Variants in KIF13B observed in about 807,000 individuals in gnomAD.
KIF13B encodes kinesin family member 13B.
A neutral mutation model predicts 222.0 loss-of-function variants in KIF13B; 127 were observed. That is an observed-to-expected ratio of 0.57 (90% CI 0.50 to 0.66). The LOEUF (loss-of-function observed/expected upper bound fraction) is 0.66. Among genes scored for constraint, KIF13B ranks in the 30% least tolerant of loss-of-function variants. The pLI, the probability that KIF13B is intolerant of heterozygous loss-of-function variation, is 0.00. For missense variants in KIF13B, 2,173 were observed against 2,379.0 expected, an observed-to-expected ratio of 0.91 and a Z score of 1.80; for synonymous variants, 976 against 919.0, an observed-to-expected ratio of 1.06 and a Z score of -1.12.
In KIF13B at chr8:29,223,943, A is replaced by G. The variant is rs1330331748; in HGVS notation, c.149+21403T>C. Among the ~76,000 whole-genome samples, 4 of 151,228 alleles carry G rather than the reference A, an allele frequency of 2.6e-5. No homozygotes were observed. In the East Asian group the frequency reaches 5.9e-4, roughly 22 times the overall value. On this transcript the variant is annotated intron_variant, in intron 2 of 39. Transcript: ENST00000524189. ...CCTGACCTTGTGATCCGCCCGCCTCAGCCTCCCAAAGTGTTGGGATTACAG... is the reference window on the plus strand; with the variant it reads ...CCTGACCTTGTGATCCGCCCGCCTCGGCCTCCCAAAGTGTTGGGATTACAG...
At chr8:29,086,772 C>T (rs373617980) in intron 37 of KIF13B, among the ~76,000 whole-genome samples, 9 of 152,256 alleles carry the variant, frequency 5.9e-5, no homozygotes, top group African/African-American at 2.2e-4. Context: ...GATCCAGATT[C>T]CTTTTAGGCA....
intron 3 of KIF13B, 42 bp downstream of exon 3, chr8:29,196,145 T>C: frequency 6.6e-7 from 1 of 1,522,332 alleles, no homozygotes; most frequent in African/African-American, 1.4e-5. Context: ...AACATGCATA[T>C]AAGATCTTTA....
At chr8:29,115,765 A>ATCCTGCCCCG (rs1275701103) in intron 31 of KIF13B, among the ~76,000 whole-genome samples, 3 of 152,012 alleles carry the variant, frequency 2.0e-5, no homozygotes, top group Non-Finnish European at 4.4e-5. Flanking sequence ...GCGGTCCCCG[A>ATCCTGCCCCG]TCCTGCCCCG....
intron 31 of KIF13B, among the ~76,000 whole-genome samples, chr8:29,114,746 C>T (rs1024774866): frequency 6.6e-6 from 1 of 152,154 alleles, no homozygotes; most frequent in African/African-American, 2.4e-5. Context: ...AATATGGCAA[C>T]CTATTGTCCC....
intron 30 of KIF13B, among the ~76,000 whole-genome samples, chr8:29,118,217 A>G (rs6420168): frequency 0.85 from 129,015 of 151,550 alleles, 55,531 homozygotes; most frequent in Non-Finnish European, 0.91. Context: ...CCAGCCAGGC[A>G]CAGTGGCTCA....
chr8:29,136,391 C>T (rs563371895), intron 21 of KIF13B, among the ~76,000 whole-genome samples: 36 of 151,944 alleles, frequency 2.4e-4, no homozygotes, highest in Non-Finnish European at 5.0e-4. Context: ...CCAGCCTGAC[C>T]AACATGGAGA....
intron 37 of KIF13B, among the ~76,000 whole-genome samples, chr8:29,087,143 T>G (rs779806433): frequency 6.6e-6 from 1 of 152,182 alleles, no homozygotes; most frequent in African/African-American, 2.4e-5. Flanking sequence ...ATTTCCATAA[T>G]GTATATAACA....
intron 35 of KIF13B, among the ~76,000 whole-genome samples, chr8:29,105,105 T>C (rs868578113): frequency 1.3e-5 from 2 of 152,112 alleles, no homozygotes; most frequent in Non-Finnish European, 2.9e-5. Flanking sequence ...TAGCTGGGAT[T>C]ACAAGCATAA....
chr8:29,155,774 T>C lies in KIF13B; in HGVS notation c.1487A>G (p.Asp496Gly). 1 of 1,602,652 alleles carries C rather than the reference T, an allele frequency of 6.2e-7. No homozygotes were observed. ...CATAACCTGGCCTTCTGACGTGATGTCTATAATACAGTGTTCAGGAAGAAT... is the reference window on the plus strand; with the variant it reads ...CATAACCTGGCCTTCTGACGTGATGCCTATAATACAGTGTTCAGGAAGAAT... ...MGILPEHCIIDITSEGQVMLT... is the reference protein window; with the variant it reads ...MGILPEHCIIGITSEGQVMLT... The change falls in exon 14 of 40, where the codon GAC becomes GGC. Residue 496 changes from aspartate to glycine, a missense_variant. By Grantham distance (94) the Asp-to-Gly change is moderately conservative. This residue lies in a region of KIF13B where 1,480 missense variants were observed against 1,722.8 expected (regional missense o/e 0.86). Coordinates refer to ENST00000524189, the MANE Select transcript of KIF13B (RefSeq NM_015254.4).
chr8:29,188,146 G>A (rs191761309), intron 5 of KIF13B, among the ~76,000 whole-genome samples: 2 of 151,958 alleles, frequency 1.3e-5, no homozygotes, highest in Admixed American at 1.3e-4. Context: ...AAGCTTCTTA[G>A]TTATTACTGG....
At chr8:29,079,773 T>C (rs1380923881) in intron 37 of KIF13B, among the ~76,000 whole-genome samples, 1 of 152,252 alleles carries the variant, frequency 6.6e-6, no homozygotes, top group Non-Finnish European at 1.5e-5. Context: ...TTCTTAAATG[T>C]CATTTTTTAA....
At chr8:29,109,077 C>T (rs1809231899) in intron 34 of KIF13B, among the ~76,000 whole-genome samples, 1 of 152,220 alleles carries the variant, frequency 6.6e-6, no homozygotes, top group African/African-American at 2.4e-5. Flanking sequence ...CCAGACTCCT[C>T]CTCAACTTAA....
intron 20 of KIF13B, 28 bp downstream of exon 20, chr8:29,140,440 G>A: frequency 6.2e-7 from 1 of 1,604,818 alleles, no homozygotes; most frequent in Non-Finnish European, 8.5e-7. Flanking sequence ...ATTCTCTACA[G>A]GAAACAAGGC....
chr8:29,165,825 G>A, intron 11 of KIF13B, 53 bp from the exon 12 acceptor site: 1 of 1,287,232 alleles, frequency 7.8e-7, no homozygotes, highest in Non-Finnish European at 1.1e-6. Context: ...CCTGGAAAAA[G>A]AAGTGGCCAA....
intron 10 of KIF13B, among the ~76,000 whole-genome samples, chr8:29,175,545 G>A (rs1812439910): frequency 6.6e-6 from 1 of 152,222 alleles, no homozygotes; most frequent in Non-Finnish European, 1.5e-5. Context: ...ATGAATGAAT[G>A]ACTGTGTGCT....
rs917253629 is a variant in KIF13B at position 29,071,829 on chromosome 8, G to A, written c.5009C>T (p.Ser1670Phe). 3.9e-6 allele frequency: 6 copies of A among 1,541,496 alleles called. No homozygotes were observed. The highest frequency in any genetic ancestry group is 2.0e-5 in the Admixed American group (1 of 50,864). Reference protein sequence around the residue: ...SRMLAGDPGCSPGAEGNAPAP... With the variant: ...SRMLAGDPGCFPGAEGNAPAP... ...CGGCGCATTCCCCTCGGCCCCCGGG[G>A]AGCAGCCGGGGTCCCCAGCCAGCAT... The change falls in exon 39 of 40, where the codon TCC becomes TTC. Residue 1670 changes from serine (S) to phenylalanine (F), a missense_variant. This residue lies in a region of KIF13B where 693 missense variants were observed against 656.2 expected (regional missense o/e 1.06). Coordinates refer to ENST00000524189, the MANE Select transcript of KIF13B (RefSeq NM_015254.4). The surrounding 1 kb of genome is among the most constrained non-coding windows in gnomAD (Gnocchi z 4.9).
At chr8:29,097,589 A>C (rs774252269) in intron 36 of KIF13B, among the ~76,000 whole-genome samples, 4 of 152,208 alleles carry the variant, frequency 2.6e-5, no homozygotes, top group East Asian at 3.8e-4. Flanking sequence ...GATTACCCCC[A>C]AAAATAAAAA....
intron 10 of KIF13B, among the ~76,000 whole-genome samples, chr8:29,170,015 T>C (rs1241351013): frequency 1.3e-5 from 2 of 152,238 alleles, no homozygotes; most frequent in African/African-American, 2.4e-5. Context: ...AAATGCTTGA[T>C]ATTTTAAAAG....
chr8:29,153,361 G>C (rs546471397), intron 14 of KIF13B, among the ~76,000 whole-genome samples: 1 of 152,064 alleles, frequency 6.6e-6, no homozygotes, highest in Non-Finnish European at 1.5e-5. Flanking sequence ...TAAAGTCTTC[G>C]GTAACTTCCC....
Sources: gnomAD v4.1 joint callset for allele counts (sites outside exome capture counted in the v4.1 genomes callset) on GRCh38, gnomAD v4.1.1 for gene constraint, gnomAD v4.1.1 regional missense constraint, Gnocchi (gnomAD v3.1) non-coding constraint, MANE v1.5 for transcripts, NCBI Gene and HGNC (gene_info 2026-07-23, HGNC 2026-07-21) for gene names.